Variants in PDGFC observed in about 807,000 individuals in gnomAD.
PDGFC encodes the protein platelet-derived growth factor C.
A neutral mutation model predicts 35.5 loss-of-function variants in PDGFC; 12 were observed. The observed-to-expected ratio is 0.34, with a 90% confidence interval of 0.22 to 0.55. PDGFC has a LOEUF of 0.55. Among genes scored for constraint, PDGFC ranks in the 20% least tolerant of loss-of-function variants. The pLI, the probability that PDGFC is intolerant of heterozygous loss-of-function variation, is 0.91. For missense variants in PDGFC, 322 were observed against 412.4 expected (o/e 0.78, Z 1.90); for synonymous variants, 159 against 148.8 (o/e 1.07, Z -0.50).
At chr4:156,938,768 T>C (rs893276345) in intron 1 of PDGFC, among the ~76,000 whole-genome samples, 6 of 151,828 alleles carry the variant, frequency 4.0e-5, no homozygotes, top group Non-Finnish European at 7.4e-5. Flanking sequence ...AAAAGTTATC[T>C]ATGATCTGTA....
intron 3 of PDGFC, chr4:156,778,260 A>C (rs748068203): frequency 1.1e-5 from 4 of 351,988 alleles, no homozygotes; most frequent in South Asian, 6.6e-5. Context: ...CCAAAACGAG[A>C]ATCTGCTATT....
At chr4:156,935,749 A>G (rs1326694552) in intron 1 of PDGFC, among the ~76,000 whole-genome samples, 1 of 152,228 alleles carries the variant, frequency 6.6e-6, no homozygotes, top group Admixed American at 6.5e-5. Flanking sequence ...TGTAAGAGCC[A>G]TAGCAGCAAC....
intron 3 of PDGFC, among the ~76,000 whole-genome samples, chr4:156,780,261 C>T (rs1206995976): frequency 6.6e-6 from 1 of 151,978 alleles, no homozygotes; most frequent in African/African-American, 2.4e-5. Flanking sequence ...ATATTGAATA[C>T]TTGTGGATTT....
At chr4:156,928,633 C>T (rs972739565) in intron 1 of PDGFC, among the ~76,000 whole-genome samples, 8 of 152,194 alleles carry the variant, frequency 5.3e-5, no homozygotes, top group Non-Finnish European at 1.0e-4. Context: ...CACCCCAATC[C>T]ACGCTCTATA....
intron 1 of PDGFC, among the ~76,000 whole-genome samples, chr4:156,873,257 C>A (rs1391166503): frequency 6.6e-6 from 1 of 152,166 alleles, no homozygotes; most frequent in African/African-American, 2.4e-5. Flanking sequence ...CCTTTTTACT[C>A]ATCAACTGTA....
intron 1 of PDGFC, among the ~76,000 whole-genome samples, chr4:156,908,121 G>A (rs533429953): frequency 2.2e-4 from 33 of 152,168 alleles, no homozygotes; most frequent in African/African-American, 7.2e-4. Flanking sequence ...AGCCGAGATC[G>A]TGCCACTGCA....
At chr4:156,888,080 T>C (rs1453517340) in intron 1 of PDGFC, among the ~76,000 whole-genome samples, 1 of 151,696 alleles carries the variant, frequency 6.6e-6, no homozygotes, top group Non-Finnish European at 1.5e-5. Context: ...TTCAAACAGG[T>C]CTAAAACATT....
At chr4:156,863,028 G>A (rs942883979) in intron 1 of PDGFC, among the ~76,000 whole-genome samples, 4 of 151,732 alleles carry the variant, frequency 2.6e-5, no homozygotes, top group Non-Finnish European at 4.4e-5. Context: ...ATGATTTTCC[G>A]ATTACAAAAA....
At chr4:156,939,360 A>G (rs888361443) in intron 1 of PDGFC, among the ~76,000 whole-genome samples, 1 of 152,108 alleles carries the variant, frequency 6.6e-6, no homozygotes, top group African/African-American at 2.4e-5. Flanking sequence ...GATGAGTCAG[A>G]TATAGAAACA....
At chr4:156,965,733 G>A (rs1732450149) in intron 1 of PDGFC, among the ~76,000 whole-genome samples, 1 of 152,068 alleles carries the variant, frequency 6.6e-6, no homozygotes, top group Admixed American at 6.5e-5. Context: ...CTGCAGGAAG[G>A]GAGCTTGAAA....
At chr4:156,874,133 A>G (rs2111151923) in intron 1 of PDGFC, among the ~76,000 whole-genome samples, 1 of 152,332 alleles carries the variant, frequency 6.6e-6, no homozygotes, top group Non-Finnish European at 1.5e-5. Context: ...AGTATTTTCT[A>G]GAAAATAAAC....
chr4:156,931,515 C>T (rs1731549825), intron 1 of PDGFC, among the ~76,000 whole-genome samples: 2 of 152,144 alleles, frequency 1.3e-5, no homozygotes, highest in Non-Finnish European at 2.9e-5. Context: ...TCTTTCATAA[C>T]TATCCAAGAA....
chr4:156,966,757 C>G (rs1164929047), intron 1 of PDGFC, among the ~76,000 whole-genome samples: 1 of 152,186 alleles, frequency 6.6e-6, no homozygotes, highest in African/African-American at 2.4e-5. Flanking sequence ...ATCCCATCCT[C>G]TATTTACAAC....
chr4:156,785,513 C>T (rs1731098303), intron 3 of PDGFC, among the ~76,000 whole-genome samples: 1 of 152,072 alleles, frequency 6.6e-6, no homozygotes, highest in Non-Finnish European at 1.5e-5. Flanking sequence ...TGTGCCCGGC[C>T]CTAAGTTTAA....
chr4:156,825,400 A>T (rs1427865237), intron 2 of PDGFC, among the ~76,000 whole-genome samples: 2 of 150,876 alleles, frequency 1.3e-5, no homozygotes, highest in Admixed American at 1.3e-4. Context: ...AAAAAAAAAA[A>T]AATTCCCAGG....
At position 156,850,321 on chromosome 4, in the gene PDGFC, C is replaced by A; in HGVS notation, c.214G>T (p.Val72Phe). 6.2e-7 allele frequency: 1 copy of A among 1,604,272 alleles called. No individual in the cohort carries two copies. Among genetic ancestry groups the A allele is most frequent in the South Asian group, 1.1e-5 (1 of 90,682 alleles). ...ACTGCTACTAATCTCCATACCAAGA[C>A]CGTATTTCTTGGATAAGTATGAGGA... is the stretch of plus-strand genomic sequence containing the variant. ...RFPHTYPRNT[V>F]LVWRLVAVEE... Residue 72 changes from valine (V) to phenylalanine (F), a missense_variant, in exon 2 of 6, where the codon GTC becomes TTC. By Grantham distance (50) the Val-to-Phe change is conservative. Around this residue, in one of 2 missense-constraint regions of PDGFC, gnomAD observed 120 missense variants for 116.6 expected, o/e 1.03. Transcript: ENST00000502773.
chr4:156,798,639 T>C (rs1731513385), intron 3 of PDGFC, among the ~76,000 whole-genome samples: 1 of 152,168 alleles, frequency 6.6e-6, no homozygotes, highest in Admixed American at 6.5e-5. Flanking sequence ...GTCAGAAAGC[T>C]TGAGATGGCT....
At chr4:156,799,521 T>C (rs1195169344) in intron 3 of PDGFC, among the ~76,000 whole-genome samples, 1 of 152,194 alleles carries the variant, frequency 6.6e-6, no homozygotes, top group African/African-American at 2.4e-5. Context: ...TCTGAGTCTT[T>C]TGCATACCAG....
At chr4:156,863,988 G>A (rs1158872726) in intron 1 of PDGFC, among the ~76,000 whole-genome samples, 2 of 151,696 alleles carry the variant, frequency 1.3e-5, no homozygotes, top group Non-Finnish European at 2.9e-5. Flanking sequence ...GCTTCTGTTT[G>A]TTTCTTGTTT....
Sources: allele counts gnomAD v4.1 joint callset (sites outside exome capture counted in the v4.1 genomes callset), GRCh38; gene constraint gnomAD v4.1.1; regional missense constraint gnomAD v4.1.1; transcripts MANE v1.5; gene names NCBI Gene and HGNC (gene_info 2026-07-23, HGNC 2026-07-21).